COMMD1: variants seen among roughly 807,000 people sequenced by gnomAD.
COMMD1 encodes copper metabolism domain containing 1, also known as COMM domain-containing protein 1.
Under a neutral mutation model 17.2 loss-of-function variants are expected in COMMD1, and 10 were observed. The ratio of observed to expected loss-of-function variants is 0.58; its 90% CI spans 0.36 to 0.99. COMMD1 has a LOEUF of 0.99. Among genes scored for constraint, COMMD1 ranks in the 50% least tolerant of loss-of-function variants. The pLI is 0.01. For synonymous variants in COMMD1, 97 were observed against 91.6 expected (o/e 1.06, Z -0.34); for missense variants, 270 against 231.8 (o/e 1.17, Z -1.07).
chr2:62,076,183 A>G (rs1156591615), intron 2 of COMMD1, among the ~76,000 whole-genome samples: 1 of 152,188 alleles, frequency 6.6e-6, no homozygotes, highest in Non-Finnish European at 1.5e-5. Flanking sequence ...TTGAATGCTT[A>G]CTATGTTCAA....
At chr2:62,093,958 T>A (rs531928930) in intron 2 of COMMD1, among the ~76,000 whole-genome samples, 79 of 152,332 alleles carry the variant, frequency 5.2e-4, no homozygotes, top group Middle Eastern at 3.4e-3. Flanking sequence ...TTTGATTCCT[T>A]GGAGTTGGAC....
At chr2:62,006,798 C>T (rs1463627618) in intron 2 of COMMD1, among the ~76,000 whole-genome samples, 1 of 152,068 alleles carries the variant, frequency 6.6e-6, no homozygotes, top group Admixed American at 6.6e-5. Flanking sequence ...TTTTCCTTTC[C>T]TGGAACTTCA....
intron 2 of COMMD1, among the ~76,000 whole-genome samples, chr2:62,098,835 CT>C (rs943558097): frequency 1.3e-5 from 2 of 152,218 alleles, no homozygotes; most frequent in Non-Finnish European, 2.9e-5. Context: ...CATTCTTCAG[CT>C]TTGTTCTGGG....
At chr2:62,023,746 A>C (rs1176748892) in intron 2 of COMMD1, among the ~76,000 whole-genome samples, 1 of 152,178 alleles carries the variant, frequency 6.6e-6, no homozygotes, top group Non-Finnish European at 1.5e-5. Context: ...TGGCCTCCCA[A>C]AGTGCTGGGA....
At chr2:62,092,624 G>C (rs781138172) in intron 2 of COMMD1, among the ~76,000 whole-genome samples, 91 of 152,270 alleles carry the variant, frequency 6.0e-4, no homozygotes, top group Non-Finnish European at 9.1e-4. Flanking sequence ...AATATACAAA[G>C]TCACCTGGCT....
chr2:62,014,648 A>G (rs895396201), intron 2 of COMMD1, among the ~76,000 whole-genome samples: 3 of 125,370 alleles, frequency 2.4e-5, no homozygotes, highest in Admixed American at 1.0e-4. Flanking sequence ...TGCAACCTCT[A>G]CCTCCTGGGT....
chr2:62,113,925 C>T (rs972038649), intron 2 of COMMD1, among the ~76,000 whole-genome samples: 18 of 152,252 alleles, frequency 1.2e-4, no homozygotes, highest in South Asian at 1.0e-3. Context: ...TTAGAATTTT[C>T]TTTTCTCTTT....
intron 2 of COMMD1, among the ~76,000 whole-genome samples, chr2:62,027,683 TA>T (rs974238317): frequency 2.0e-5 from 3 of 152,086 alleles, no homozygotes; most frequent in Admixed American, 1.3e-4. Flanking sequence ...TATGTTATGT[TA>T]TTTTTTTGAG....
chr2:61,965,176 T>G (rs1437702775), intron 1 of COMMD1, among the ~76,000 whole-genome samples: 2 of 152,234 alleles, frequency 1.3e-5, no homozygotes, highest in Non-Finnish European at 1.5e-5. Flanking sequence ...GAATAGCAGG[T>G]GGCTGAGTGC....
intron 2 of COMMD1, 35 bp downstream of exon 2, chr2:62,001,017 C>G: frequency 1.9e-6 from 3 of 1,589,712 alleles, no homozygotes; most frequent in Non-Finnish European, 2.6e-6. Context: ...CCTTTGTAAA[C>G]TGTATTTTTC....
At chr2:61,954,732 A>G (rs1182727428) in intron 1 of COMMD1, among the ~76,000 whole-genome samples, 1 of 151,998 alleles carries the variant, frequency 6.6e-6, no homozygotes, top group Non-Finnish European at 1.5e-5. Flanking sequence ...CCCAGGCTAG[A>G]GTGCAATGGC....
intron 2 of COMMD1, among the ~76,000 whole-genome samples, chr2:62,007,677 A>G (rs1669158786): frequency 1.3e-5 from 2 of 152,224 alleles, no homozygotes. Flanking sequence ...CCTAGAAGCA[A>G]TAGGCTATAC....
At chr2:62,040,841 G>C (rs760023492) in intron 2 of COMMD1, among the ~76,000 whole-genome samples, 10 of 152,114 alleles carry the variant, frequency 6.6e-5, no homozygotes, top group Non-Finnish European at 8.8e-5. Flanking sequence ...CTCTTGAGTA[G>C]CTGGGATTAT....
intron 2 of COMMD1, among the ~76,000 whole-genome samples, chr2:62,094,848 G>A (rs182773084): frequency 9.1e-4 from 138 of 152,292 alleles, no homozygotes; most frequent in South Asian, 4.4e-3. Flanking sequence ...AATGGCTTTG[G>A]GCCACTGGCT....
intron 1 of COMMD1, chr2:61,968,948 T>C (rs756822716): frequency 1.3e-5 from 3 of 234,630 alleles, no homozygotes; most frequent in Non-Finnish European, 2.7e-5. Context: ...ATTTAGTCTT[T>C]TTTTTTTTTT....
At chr2:62,060,558 G>T (rs1573131196) in intron 2 of COMMD1, among the ~76,000 whole-genome samples, 1 of 152,010 alleles carries the variant, frequency 6.6e-6, no homozygotes, top group African/African-American at 2.4e-5. Flanking sequence ...CCATATATTT[G>T]TCCGTTCCAC....
chr2:62,013,924 C>T (rs550951573), intron 2 of COMMD1, among the ~76,000 whole-genome samples: 1 of 152,236 alleles, frequency 6.6e-6, no homozygotes, highest in East Asian at 1.9e-4. Flanking sequence ...GTTGTTTGTG[C>T]TGAAGTAATT....
intron 1 of COMMD1, among the ~76,000 whole-genome samples, chr2:61,937,440 TG>T (rs1558527648): frequency 1.3e-5 from 2 of 152,236 alleles, no homozygotes; most frequent in Non-Finnish European, 2.9e-5. Context: ...GGCCTGCCCC[TG>T]GTCCATCCTG....
At chr2:62,076,043 C>G (rs1014752491) in intron 2 of COMMD1, among the ~76,000 whole-genome samples, 1 of 152,148 alleles carries the variant, frequency 6.6e-6, no homozygotes, top group African/African-American at 2.4e-5. Flanking sequence ...TATTCCTTTC[C>G]CAGTGTCTTA....
Sources: allele counts gnomAD v4.1 joint callset (sites outside exome capture counted in the v4.1 genomes callset), GRCh38; gene constraint gnomAD v4.1.1; transcripts MANE v1.5; gene names NCBI Gene and HGNC (gene_info 2026-07-23, HGNC 2026-07-21).